Variants in LAMB1 observed in about 807,000 individuals in gnomAD.
LAMB1 encodes the protein laminin subunit beta 1, also known as laminin subunit beta-1.
Under a neutral mutation model 222.3 loss-of-function variants are expected in LAMB1, and 121 were observed. The observed-to-expected ratio is 0.54, with a 90% confidence interval of 0.47 to 0.63. LAMB1 has a LOEUF of 0.63. Among genes scored for constraint, LAMB1 ranks in the 30% least tolerant of loss-of-function variants. The probability of loss-of-function intolerance (pLI) is 0.00; values close to 1 mark genes in which losing one functional copy is unlikely to be tolerated. For synonymous variants in LAMB1, 794 were observed against 807.2 expected (o/e 0.98, Z 0.28); for missense variants, 2,172 against 2,240.8 (o/e 0.97, Z 0.62).
chr7:107,978,241 A>G (rs1186511884), intron 8 of LAMB1, 74 bp from the exon 9 acceptor site: 18 of 1,530,954 alleles, frequency 1.2e-5, no homozygotes, highest in Non-Finnish European at 8.9e-6. Flanking sequence ...TAATCAATTG[A>G]AAGTTTAAAA....
At chr7:107,987,116 G>C (rs1353099224) in intron 5 of LAMB1, among the ~76,000 whole-genome samples, 2 of 152,196 alleles carry the variant, frequency 1.3e-5, no homozygotes, top group Non-Finnish European at 2.9e-5. Flanking sequence ...ATATTACTCA[G>C]CCATAAAGAG....
In LAMB1 at chr7:107,940,069, G is replaced by C; in HGVS notation, c.3681C>G (p.Val1227=). The C allele has an allele frequency of 6.2e-7, 1 of 1,614,056 alleles. No individual in the cohort carries two copies. Among genetic ancestry groups the C allele is most frequent in the Non-Finnish European group, 8.5e-7 (1 of 1,180,026 alleles). Residue 1227 remains valine, a synonymous_variant, in exon 25 of 34, where the codon GTC becomes GTG. Transcript: ENST00000222399. The stretch of plus-strand genomic sequence containing the variant: ...GCGCCAGGATGTCTTTTATCTCGCT[G>C]ACTTTCCTCTCCACCGAGTCCACAG... The part of the protein sequence containing the change: ...RETVDSVERK[V]SEIKDILAQS...
At chr7:108,001,956 C>T in intron 2 of LAMB1, 1 of 1,451,148 alleles carries the variant, frequency 6.9e-7, no homozygotes, top group Non-Finnish European at 9.1e-7. Context: ...CACACGTCAT[C>T]AGGTCTGTCC....
intron 7 of LAMB1, among the ~76,000 whole-genome samples, chr7:107,985,584 G>A (rs764523385): frequency 5.9e-5 from 9 of 151,960 alleles, no homozygotes; most frequent in East Asian, 3.9e-4. Context: ...AGCCTAGATC[G>A]CGCCACTGCA....
intron 4 of LAMB1, 63 bp downstream of exon 4, chr7:107,998,294 T>C: frequency 5.2e-6 from 8 of 1,548,202 alleles, no homozygotes; most frequent in Non-Finnish European, 6.2e-6. Flanking sequence ...CCCAGGAACC[T>C]GTAAGCTCCA....
intron 29 of LAMB1, among the ~76,000 whole-genome samples, chr7:107,931,032 C>CA (rs910022746): frequency 1.3e-5 from 2 of 151,950 alleles, no homozygotes; most frequent in Admixed American, 1.3e-4. Flanking sequence ...GGGGCAATGC[C>CA]AAAATAACAA....
intron 18 of LAMB1, 69 bp from the exon 19 acceptor site, chr7:107,959,903 C>T: frequency 6.5e-7 from 1 of 1,530,534 alleles, no homozygotes; most frequent in Middle Eastern, 1.7e-4. Flanking sequence ...CTGATCCTTT[C>T]TCCTTTAACT....
At chr7:107,963,196 T>C (rs2033550632) in intron 14 of LAMB1, 133 bp from the exon 15 acceptor site, 6 of 779,398 alleles carry the variant, frequency 7.7e-6, no homozygotes, top group African/African-American at 1.7e-5. Flanking sequence ...TATAGTCAAA[T>C]CTCCCCTAAT....
At chr7:107,928,988 T>C (rs1012280122) in intron 31 of LAMB1, 76 bp downstream of exon 31, 2 of 1,378,016 alleles carry the variant, frequency 1.5e-6, no homozygotes, top group African/African-American at 2.9e-5. Context: ...TTTCTGTTCA[T>C]AGATAACAAA....
chr7:107,951,357 T>C (rs770790000), intron 23 of LAMB1, 35 bp from the exon 24 acceptor site: 6 of 1,594,324 alleles, frequency 3.8e-6, no homozygotes, highest in Non-Finnish European at 5.2e-6. Flanking sequence ...TCAAGCAGGC[T>C]TCAGGCCAGA....
At chr7:107,975,597 G>C in intron 10 of LAMB1, 92 bp downstream of exon 10, 2 of 1,343,922 alleles carry the variant, frequency 1.5e-6, no homozygotes, top group East Asian at 4.6e-5. Context: ...TGGCTTTACT[G>C]CTCATACTAT....
chr7:108,001,702 T>C lies in LAMB1; in HGVS notation c.69A>G (p.Glu23=), dbSNP rs756451028. The C allele has an allele frequency of 1.2e-6, 2 of 1,612,642 alleles. No homozygotes were observed. Among genetic ancestry groups the C allele is most frequent in the Non-Finnish European group, 1.7e-6 (2 of 1,179,822 alleles). Residue 23 remains glutamate, a synonymous_variant, in exon 3 of 34, where the codon GAA becomes GAG. Transcript: ENST00000222399. Reference sequence around the variant, plus strand: ...CTGCGCAGCCGTAGCTGAACTCGGGTTCCTGAGCGCGCACTCGGGCTCTGC... The same window carrying C: ...CTGCGCAGCCGTAGCTGAACTCGGGCTCCTGAGCGCGCACTCGGGCTCTGC... ...ALCRARVRAQ[E]PEFSYGCAEG...
chr7:107,946,084 T>C (rs1198827301), intron 24 of LAMB1, among the ~76,000 whole-genome samples: 1 of 152,162 alleles, frequency 6.6e-6, no homozygotes, highest in African/African-American at 2.4e-5. Context: ...AACTTAAATT[T>C]GCCTTGGGAC....
intron 24 of LAMB1, among the ~76,000 whole-genome samples, chr7:107,940,800 C>G (rs1562979587): frequency 6.6e-6 from 1 of 152,168 alleles, no homozygotes; most frequent in Admixed American, 6.5e-5. Flanking sequence ...TTGCCTCCCC[C>G]TTACTTAGGA....
At chr7:107,987,947 A>C (rs552229909) in intron 5 of LAMB1, among the ~76,000 whole-genome samples, 3 of 152,242 alleles carry the variant, frequency 2.0e-5, no homozygotes, top group Non-Finnish European at 2.9e-5. Context: ...AACACTAAAA[A>C]ATTTAAGTGG....
At chr7:107,938,004 GGT>G (rs1200712925) in intron 25 of LAMB1, among the ~76,000 whole-genome samples, 1 of 152,082 alleles carries the variant, frequency 6.6e-6, no homozygotes. Context: ...TGTGGATATG[GGT>G]GTGTGTGTGC....
intron 7 of LAMB1, among the ~76,000 whole-genome samples, chr7:107,981,241 G>A (rs2033967268): frequency 1.3e-5 from 2 of 152,168 alleles, no homozygotes; most frequent in Admixed American, 6.5e-5. Flanking sequence ...GAGGTCAGGA[G>A]TTCAAAACCA....
At chr7:107,929,962 G>C (rs1200522923) in intron 29 of LAMB1, 1 of 323,666 alleles carries the variant, frequency 3.1e-6, no homozygotes, top group Non-Finnish European at 5.8e-6. Flanking sequence ...GAACGGCAGA[G>C]TATGTTACGG....
chr7:107,992,410 T>C (rs1380489120), intron 5 of LAMB1, among the ~76,000 whole-genome samples: 1 of 152,238 alleles, frequency 6.6e-6, no homozygotes, highest in African/African-American at 2.4e-5. Context: ...CTGTGCTATC[T>C]TTACAATTTC....
Sources: allele counts gnomAD v4.1 joint callset (sites outside exome capture counted in the v4.1 genomes callset), GRCh38; gene constraint gnomAD v4.1.1; transcripts MANE v1.5; gene names NCBI Gene and HGNC (gene_info 2026-07-23, HGNC 2026-07-21).